The following ZNF236 variants were observed in gnomAD, a reference collection of about 807,000 sequenced individuals.
The protein encoded by ZNF236 is zinc finger protein 236.
In ZNF236, 50 loss-of-function variants were observed where a neutral mutation model predicts 191.2. The ratio of observed to expected loss-of-function variants is 0.26; its 90% CI spans 0.21 to 0.33. The LOEUF (loss-of-function observed/expected upper bound fraction) is 0.33. ZNF236 is among the 10% of genes least tolerant of loss of function. The probability of loss-of-function intolerance (pLI) is 1.00; values close to 1 mark genes in which losing one functional copy is unlikely to be tolerated. For synonymous variants in ZNF236, 907 were observed against 928.8 expected (o/e 0.98, Z 0.43); for missense variants, 1,754 against 2,374.5 (o/e 0.74, Z 5.43).
intron 13 of ZNF236, among the ~76,000 whole-genome samples, chr18:76,905,689 T>G (rs1977722576): frequency 6.6e-6 from 1 of 152,180 alleles, no homozygotes; most frequent in South Asian, 2.1e-4. Flanking sequence ...TTTAAAGCTG[T>G]TAGTTGGTAA....
At chr18:76,826,723 C>T (rs1975029410) in intron 1 of ZNF236, among the ~76,000 whole-genome samples, 1 of 150,204 alleles carries the variant, frequency 6.7e-6, no homozygotes, top group South Asian at 2.1e-4. Context: ...TCGCTTGAGC[C>T]CAGGAGGTAG....
chr18:76,871,816 A>G lies in ZNF236; in HGVS notation c.658A>G (p.Ile220Val). ...AAGCCAGTTAACGCGACACATTAGG[A>G]TACACACAGGTATGAAAACACTGAC... The part of the protein sequence containing the change: ...KPSQLTRHIR[I>V]HTGERPFKCS... The change falls in exon 5 of 31, where the codon ATA (isoleucine) becomes GTA (valine). Residue 220 changes from isoleucine to valine, a missense_variant. Physicochemically the swap from Ile to Val is conservative, Grantham distance 29. Around this residue, in one of 5 missense-constraint regions of ZNF236, gnomAD observed 336 missense variants for 495.1 expected, o/e 0.68. Coordinates refer to ENST00000320610, the MANE Select transcript of ZNF236 (RefSeq NM_001306089.2). The G allele has an allele frequency of 6.2e-7, 1 of 1,614,218 alleles. No homozygotes were observed. Among genetic ancestry groups the G allele is most frequent in the Non-Finnish European group, 8.5e-7 (1 of 1,180,024 alleles).
intron 1 of ZNF236, among the ~76,000 whole-genome samples, chr18:76,827,999 A>G (rs1488409345): frequency 6.6e-6 from 1 of 152,024 alleles, no homozygotes; most frequent in Non-Finnish European, 1.5e-5. Context: ...GGATATTTGT[A>G]ATACTTAGTT....
chr18:76,851,640 A>C (rs146029397), intron 2 of ZNF236, 135 bp from the exon 3 acceptor site: 2 of 914,444 alleles, frequency 2.2e-6, no homozygotes, highest in African/African-American at 3.4e-5. Flanking sequence ...TTATTGACTT[A>C]AGAGCCAGAG....
chr18:76,967,865 A>T (rs888775596), intron 30 of ZNF236, among the ~76,000 whole-genome samples: 1 of 151,888 alleles, frequency 6.6e-6, no homozygotes, highest in Non-Finnish European at 1.5e-5. Context: ...AAAAGGGGTA[A>T]TTTTTTCTCT....
In ZNF236 at chr18:76,881,411, C is replaced by T. The variant is rs202201909; in HGVS notation, c.1316C>T (p.Thr439Met). ...GTTTCCAGCGTTTCAAATGAGCAGA[C>T]GGACCCCACAGACGCAGAGCAAGAA... ...PDVSSVSNEQ[T>M]DPTDAEQEKE... The change falls in exon 9 of 31, where the codon ACG (threonine) becomes ATG (methionine). Residue 439 changes from threonine (T) to methionine (M), a missense_variant. Transcript: ENST00000320610. 1.5e-5 allele frequency: 24 copies of T among 1,613,860 alleles called. No individual in the cohort carries two copies. In the East Asian group the frequency reaches 2.5e-4, roughly 16 times the overall value.
At position 76,912,304 on chromosome 18, in the gene ZNF236, C is replaced by G; in HGVS notation, c.2866C>G (p.Gln956Glu). The G allele has an allele frequency of 1.9e-6, 3 of 1,614,196 alleles. No individual in the cohort carries two copies. The highest frequency in any genetic ancestry group is 2.5e-6 in the Non-Finnish European group (3 of 1,180,030). Residue 956 changes from glutamine (Q) to glutamate (E), a missense_variant, in exon 17 of 31, where the codon CAG (glutamine) becomes GAG (glutamate). This residue lies in a region of ZNF236 where 641 missense variants were observed against 869.6 expected (regional missense o/e 0.74). Coordinates refer to ENST00000320610, the MANE Select transcript of ZNF236 (RefSeq NM_001306089.2). Reference sequence around the variant, plus strand: ...ACTGGACCTGCAGGCACAAGGTTCCCAGTTTCTGGAGGACAACGAGGACCA... The same window carrying G: ...ACTGGACCTGCAGGCACAAGGTTCCGAGTTTCTGGAGGACAACGAGGACCA... ...EELDLQAQGS[Q>E]FLEDNEDQSR... is the part of the protein sequence containing the mutation.
At chr18:76,931,651 C>A (rs772837098) in intron 25 of ZNF236, among the ~76,000 whole-genome samples, 2 of 152,154 alleles carry the variant, frequency 1.3e-5, no homozygotes, top group Non-Finnish European at 2.9e-5. Context: ...GGAAAGGAGG[C>A]AGCTTTCTAA....
At chr18:76,892,367 A>G (rs1461984777) in intron 9 of ZNF236, among the ~76,000 whole-genome samples, 1 of 151,690 alleles carries the variant, frequency 6.6e-6, no homozygotes, top group Non-Finnish European at 1.5e-5. Flanking sequence ...CTAGATCACA[A>G]TAAATTAATG....
chr18:76,876,292 A>AT (rs1976713231), intron 6 of ZNF236, among the ~76,000 whole-genome samples: 1 of 152,368 alleles, frequency 6.6e-6, no homozygotes, highest in Admixed American at 6.5e-5. Flanking sequence ...TAATTGTAGA[A>AT]TACAAAGAAA....
intron 17 of ZNF236, 95 bp downstream of exon 17, chr18:76,912,442 T>C (rs904973164): frequency 4.0e-5 from 33 of 819,864 alleles, no homozygotes; most frequent in Non-Finnish European, 5.3e-5. Flanking sequence ...TGCGATTTCA[T>C]TCTCTCAAAA....
At position 76,928,075 on chromosome 18, in the gene ZNF236, G is replaced by A. The variant is rs111932063; in HGVS notation, c.4563G>A (p.Gly1521=). 3.1e-6 allele frequency: 5 copies of A among 1,612,002 alleles called. No individual in the cohort carries two copies. The highest frequency in any genetic ancestry group is 4.2e-6 in the Non-Finnish European group (5 of 1,179,324). Residue 1521 remains glycine (G), a synonymous_variant, in exon 25 of 31, where the codon GGG becomes GGA. Coordinates refer to ENST00000320610, the MANE Select transcript of ZNF236 (RefSeq NM_001306089.2). ...GGCCCACTGCCACGTCTTCCTCGGG[G>A]TCTCCACAGGAAATTACCCTGACTA... ...AAGPTATSSS[G]SPQEITLTIS...
At chr18:76,870,576 T>C (rs1281627914) in intron 4 of ZNF236, among the ~76,000 whole-genome samples, 2 of 152,190 alleles carry the variant, frequency 1.3e-5, no homozygotes, top group Non-Finnish European at 2.9e-5. Flanking sequence ...GGTTAGTCGG[T>C]ACCACAGTTT....
chr18:76,865,377 T>C (rs961653815), intron 3 of ZNF236, among the ~76,000 whole-genome samples: 2 of 152,118 alleles, frequency 1.3e-5, no homozygotes, highest in Non-Finnish European at 2.9e-5. Flanking sequence ...ACCTCTCATA[T>C]GATCTAACAA....
intron 21 of ZNF236, among the ~76,000 whole-genome samples, chr18:76,923,794 T>C (rs1014025377): frequency 1.3e-5 from 2 of 152,112 alleles, no homozygotes; most frequent in Non-Finnish European, 2.9e-5. Context: ...ATGGGGCTAA[T>C]AGTTGTACCT....
At chr18:76,932,162 A>G (rs1011484101) in intron 25 of ZNF236, among the ~76,000 whole-genome samples, 1 of 152,168 alleles carries the variant, frequency 6.6e-6, no homozygotes, top group African/African-American at 2.4e-5. Flanking sequence ...AACCATATAT[A>G]AAGGAGAGGT....
At chr18:76,895,894 T>C (rs1977391437) in intron 10 of ZNF236, among the ~76,000 whole-genome samples, 1 of 145,656 alleles carries the variant, frequency 6.9e-6, no homozygotes. Flanking sequence ...GTACCCACAC[T>C]GGTACTGCCC....
At chr18:76,865,275 T>G (rs1015541245) in intron 3 of ZNF236, among the ~76,000 whole-genome samples, 7 of 152,122 alleles carry the variant, frequency 4.6e-5, no homozygotes, top group African/African-American at 7.2e-5. Context: ...AGGCAGAGGT[T>G]GCAGTGAGCT....
Position 76,968,374 on chromosome 18 carries a change from G to GGGCCGGGCGCGGTGGCTC in ZNF236, c.*35_*36insGGCCGGGCGCGGTGGCTC. ...GAAGTACACCTTTAAGAATGTTTCT[G>GGGCCGGGCGCGGTGGCTC]AAGTTACGTTTTGTGAAGAGCAAAG... On this transcript the variant is annotated 3_prime_UTR_variant, in exon 31 of 31. Transcript: ENST00000320610. 1 of 1,584,156 alleles carries GGGCCGGGCGCGGTGGCTC rather than the reference G, an allele frequency of 6.3e-7. No individual in the cohort carries two copies. Among genetic ancestry groups the GGGCCGGGCGCGGTGGCTC allele is most frequent in the Admixed American group, 2.0e-5 (1 of 50,850 alleles).
Sources: allele counts gnomAD v4.1 joint callset (sites outside exome capture counted in the v4.1 genomes callset), GRCh38; gene constraint gnomAD v4.1.1; regional missense constraint gnomAD v4.1.1; transcripts MANE v1.5; gene names NCBI Gene and HGNC (gene_info 2026-07-23, HGNC 2026-07-21).